The following ABCC5 variants were observed in gnomAD, a reference collection of about 807,000 sequenced individuals.
ABCC5 encodes ATP-binding cassette sub-family C member 5.
In ABCC5, 61 loss-of-function variants were observed where a neutral mutation model predicts 160.9. The observed-to-expected ratio is 0.38, with a 90% CI of 0.31 to 0.47. The LOEUF is 0.47. ABCC5 is among the 20% of genes least tolerant of loss of function. ABCC5 has a pLI of 0.99. For missense variants in ABCC5, 1,308 were observed against 1,813.3 expected (o/e 0.72, Z 5.06); for synonymous variants, 666 against 700.6 (o/e 0.95, Z 0.78).
intron 2 of ABCC5, among the ~76,000 whole-genome samples, chr3:183,992,320 G>A (rs1719839777): frequency 6.6e-6 from 1 of 152,156 alleles, no homozygotes; most frequent in African/African-American, 2.4e-5. Context: ...AGGCTGCAGT[G>A]AACTTTGATC....
chr3:183,993,779 T>C (rs1174866899), intron 2 of ABCC5, among the ~76,000 whole-genome samples: 1 of 152,144 alleles, frequency 6.6e-6, no homozygotes, highest in Admixed American at 6.5e-5. Flanking sequence ...GTGTATAGAA[T>C]TCAGAGGCAT....
chr3:183,978,003 T>C (rs1451875685), intron 9 of ABCC5, among the ~76,000 whole-genome samples: 2 of 152,190 alleles, frequency 1.3e-5, no homozygotes, highest in African/African-American at 4.8e-5. Flanking sequence ...TCCGCCCGCC[T>C]CGGCCTCCCA....
Position 183,951,641 on chromosome 3 carries a change from C to G in ABCC5, c.2815-71G>C. ...TTCCTACTGGTCCAGAGAACCGCTC[C>G]GCAGCACATCCACTCCCAAAGCGGG... is the stretch of plus-strand genomic sequence containing the variant. On this transcript the variant is annotated intron_variant, in intron 19 of 29. Transcript: ENST00000334444. The surrounding 1 kb of genome is among the most constrained non-coding windows in gnomAD (Gnocchi z 4.7). 1 of 1,569,698 alleles carries G rather than the reference C, an allele frequency of 6.4e-7. No individual in the cohort carries two copies. Among genetic ancestry groups the G allele is most frequent in the South Asian group, 1.2e-5 (1 of 85,684 alleles).
In ABCC5 at chr3:183,947,616, C is replaced by T. The variant is rs560087307; in HGVS notation, c.3228-106G>A. ...ATGGAGGGCACGTATTTAAATACTT[C>T]CTGTTTCTAACTGAGAGAATGCCCT... On this transcript the variant is annotated intron_variant, in intron 22 of 29. Coordinates refer to ENST00000334444, the MANE Select transcript of ABCC5 (RefSeq NM_005688.4). 3 of 918,768 alleles carry T rather than the reference C, an allele frequency of 3.3e-6. No homozygotes were observed. The South Asian group carries it at 6.6e-5, about 20-fold the overall frequency. The allele number at this position is 918,768 out of a possible 1,614,324, so 56.9% of individuals were successfully genotyped here.
At chr3:183,950,487 ATTTT>A (rs1715245247) in intron 20 of ABCC5, among the ~76,000 whole-genome samples, 1 of 152,198 alleles carries the variant, frequency 6.6e-6, no homozygotes, top group Non-Finnish European at 1.5e-5. Flanking sequence ...CATTTAAGAC[ATTTT>A]TTGTCTTGCA....
rs369880708 is a variant in ABCC5, at chr3:183,971,638, T to C, written c.1686A>G (p.Glu562=). ...GGCCCAGGTGGATGTGCTTGCCTTCTTCCTCTTCGGGACTGGGCCGCTCGT... is the reference window on the plus strand; with the variant it reads ...GGCCCAGGTGGATGTGCTTGCCTTCCTCCTCTTCGGGACTGGGCCGCTCGT... ...DSDERPSPEE[E]EGKHIHLGHL... The change falls in exon 11 of 30, where the codon GAA becomes GAG. Residue 562 remains glutamate, a synonymous_variant. Coordinates refer to ENST00000334444, the MANE Select transcript of ABCC5 (RefSeq NM_005688.4). The C allele has an allele frequency of 2.5e-6, 4 of 1,614,174 alleles. No homozygotes were observed. The highest frequency in any genetic ancestry group is 1.3e-5 in the African/African-American group (1 of 75,042).
At chr3:183,935,340 C>T (rs1307565295) in intron 26 of ABCC5, among the ~76,000 whole-genome samples, 1 of 151,276 alleles carries the variant, frequency 6.6e-6, no homozygotes, top group East Asian at 1.9e-4. Context: ...GCCACCAAGA[C>T]TGGCTAATTT....
intron 29 of ABCC5, among the ~76,000 whole-genome samples, chr3:183,925,044 G>A (rs557642112): frequency 7.7e-4 from 117 of 152,376 alleles, no homozygotes; most frequent in African/African-American, 2.8e-3. Flanking sequence ...GCTAGGGCCA[G>A]GCTGTGGGAA....
At chr3:184,004,949 G>A (rs139902269) in intron 2 of ABCC5, among the ~76,000 whole-genome samples, 21 of 152,232 alleles carry the variant, frequency 1.4e-4, no homozygotes, top group African/African-American at 4.1e-4. Flanking sequence ...AGCGAGATTT[G>A]CTTTTGAAAA....
intron 26 of ABCC5, among the ~76,000 whole-genome samples, chr3:183,931,536 G>A (rs2108765740): frequency 6.6e-6 from 1 of 152,276 alleles, no homozygotes; most frequent in Middle Eastern, 3.4e-3. Context: ...GTTTTGCCAT[G>A]TTGGCCAGGC....
At chr3:183,924,629 T>A (rs1185289980) in intron 29 of ABCC5, among the ~76,000 whole-genome samples, 2 of 152,216 alleles carry the variant, frequency 1.3e-5, no homozygotes, top group African/African-American at 4.8e-5. Context: ...AACATAAATG[T>A]ACTTAACATC....
intron 5 of ABCC5, chr3:183,985,323 T>G: frequency 6.2e-7 from 1 of 1,614,036 alleles, no homozygotes; most frequent in Non-Finnish European, 8.5e-7. Flanking sequence ...TGGCGAGAGA[T>G]TCTGCCCAGC....
At chr3:184,006,414 T>G (rs1043469728) in intron 2 of ABCC5, 1 of 151,994 alleles carries the variant, frequency 6.6e-6, no homozygotes, top group Non-Finnish European at 1.5e-5. Context: ...TGCAAAATGC[T>G]AATCTCCTTC....
chr3:183,926,101 G>T (rs1382045277), intron 28 of ABCC5, among the ~76,000 whole-genome samples: 6 of 145,204 alleles, frequency 4.1e-5, no homozygotes, highest in Non-Finnish European at 7.5e-5. Flanking sequence ...GCCTCCCAAA[G>T]TGCTGGGATT....
At chr3:184,012,780 T>G (rs1312754210) in intron 2 of ABCC5, among the ~76,000 whole-genome samples, 1 of 152,206 alleles carries the variant, frequency 6.6e-6, no homozygotes, top group Admixed American at 6.5e-5. Context: ...ACTGATTACA[T>G]TAAGCCTGTT....
intron 23 of ABCC5, among the ~76,000 whole-genome samples, chr3:183,946,371 C>G (rs1714842355): frequency 1.3e-5 from 2 of 152,148 alleles, no homozygotes; most frequent in Non-Finnish European, 2.9e-5. Flanking sequence ...TCTGGAGCCC[C>G]TGTGCTCCAT....
At chr3:183,946,257 T>C (rs1714829443) in intron 23 of ABCC5, among the ~76,000 whole-genome samples, 1 of 152,246 alleles carries the variant, frequency 6.6e-6, no homozygotes, top group Non-Finnish European at 1.5e-5. Flanking sequence ...TATCTGAGCC[T>C]GTTTGTGGGA....
intron 2 of ABCC5, among the ~76,000 whole-genome samples, chr3:183,995,435 C>G (rs530488837): frequency 1.3e-5 from 2 of 152,234 alleles, no homozygotes; most frequent in African/African-American, 4.8e-5. Context: ...ATATTTAAAT[C>G]TATGGTTCAT....
intron 2 of ABCC5, among the ~76,000 whole-genome samples, chr3:183,997,568 A>G (rs919438310): frequency 1.4e-4 from 22 of 152,142 alleles, no homozygotes; most frequent in African/African-American, 5.3e-4. Context: ...GCTTCTGGTA[A>G]GAGCTCCTAG....
Sources: gnomAD v4.1 joint callset for allele counts (sites outside exome capture counted in the v4.1 genomes callset) on GRCh38, gnomAD v4.1.1 for gene constraint, Gnocchi (gnomAD v3.1) non-coding constraint, MANE v1.5 for transcripts, NCBI Gene and HGNC (gene_info 2026-07-23, HGNC 2026-07-21) for gene names.